Variants in DRC3 observed in about 807,000 individuals in gnomAD.
DRC3 encodes leucine rich repeat containing 48.
DRC3 carries 45 observed loss-of-function variants against 57.6 expected under a neutral mutation model. The ratio of observed to expected loss-of-function variants is 0.78; its 90% confidence interval spans 0.62 to 1.00. The LOEUF (loss-of-function observed/expected upper bound fraction) is 1.00. Among genes scored for constraint, DRC3 ranks in the 50% least tolerant of loss-of-function variants. DRC3 has a pLI of 0.00. For missense variants in DRC3, 655 were observed against 675.2 expected (o/e 0.97, Z 0.33); for synonymous variants, 257 against 272.3 (o/e 0.94, Z 0.55).
chr17:18,007,090 C>G lies in DRC3; in HGVS notation c.1269C>G (p.Thr423=), dbSNP rs770104658. ...HEKLLEISIS[T]LEKIVEGDLD... is the part of the protein sequence containing the mutation. ...AGCTCCTGGAGATCTCTATCAGCAC[C>G]CTGGAGAAGATTGTCGAGGGCGACC... The change falls in exon 12 of 14, where the codon ACC becomes ACG. Residue 423 remains threonine, a synonymous_variant. Coordinates refer to ENST00000399187, the MANE Select transcript of DRC3 (RefSeq NM_031294.4). 1.5e-6 allele frequency: 2 copies of G among 1,357,584 alleles called. No individual in the cohort carries two copies. The highest frequency in any genetic ancestry group is 9.6e-7 in the Non-Finnish European group (1 of 1,039,374). The allele number at this position is 1,357,584 out of a possible 1,614,324, so 84.1% of individuals were successfully genotyped here.
At chr17:17,989,026 C>T (rs1238529514) in intron 5 of DRC3, among the ~76,000 whole-genome samples, 2 of 152,164 alleles carry the variant, frequency 1.3e-5, no homozygotes, top group Non-Finnish European at 2.9e-5. Flanking sequence ...ATGAATGTAA[C>T]GCATTTGGTT....
Position 18,004,365 on chromosome 17 carries a change from T to A in DRC3, c.1002T>A (p.Ser334Arg). ...IAKFEEKHLS[S>R]LSAIREELEL... ...AAAGTGCAGTCTATTGTTTCTAGAG[T>A]TTAAGTGCCATTCGAGAGGAGTTGG... Residue 334 changes from serine to arginine, a missense_variant and splice_region_variant, in exon 10 of 14, where the codon AGT becomes AGA. By Grantham distance (110) the Ser-to-Arg change is moderately radical (BLOSUM62 -1). Transcript: ENST00000399187. 6.2e-7 allele frequency: 1 copy of A among 1,600,968 alleles called. No homozygotes were observed. Among genetic ancestry groups the A allele is most frequent in the Non-Finnish European group, 8.5e-7 (1 of 1,173,098 alleles).
intron 2 of DRC3, among the ~76,000 whole-genome samples, chr17:17,975,807 G>T (rs1397963298): frequency 6.6e-6 from 1 of 152,326 alleles, no homozygotes; most frequent in Admixed American, 6.5e-5. Context: ...GGGGTTGAAG[G>T]GTGTGGAGGC....
chr17:17,999,927 T>C (rs1334393029), intron 9 of DRC3, among the ~76,000 whole-genome samples: 2 of 152,222 alleles, frequency 1.3e-5, no homozygotes, highest in East Asian at 1.9e-4. Context: ...TGTGTGTGTG[T>C]GTGCGTGCGT....
Position 17,997,557 on chromosome 17 carries a change from T to C in DRC3, c.922T>C (p.Cys308Arg), listed in dbSNP as rs773080689. The C allele has an allele frequency of 1.9e-5, 31 of 1,610,692 alleles. No individual in the cohort carries two copies. Among genetic ancestry groups the C allele is most frequent in the Non-Finnish European group, 2.4e-5 (28 of 1,178,564 alleles). Residue 308 changes from cysteine (C) to arginine (R), a missense_variant, in exon 9 of 14, where the codon TGT (cysteine) becomes CGT (arginine). By Grantham distance (180) the Cys-to-Arg change is radical (BLOSUM62 -3). Coordinates refer to ENST00000399187, the MANE Select transcript of DRC3 (RefSeq NM_031294.4). The stretch of plus-strand genomic sequence containing the variant: ...AACAGAGCTTGACACCTTCAGTGAA[T>C]GTGTCCGTGAGGCCATCCAGGAAAA... The part of the protein sequence containing the change: ...RKTELDTFSE[C>R]VREAIQENQE...
Position 18,000,202 on chromosome 17 carries a change from G to A in DRC3, c.999+2568G>A, listed in dbSNP as rs535188698. ...CTGTACTTTGCTTTCCTCTGTGTGTGTGTGTGTGTGCATAGCATGCCGTTC... is the reference window on the plus strand; with the variant it reads ...CTGTACTTTGCTTTCCTCTGTGTGTATGTGTGTGTGCATAGCATGCCGTTC... On this transcript the variant is annotated intron_variant, in intron 9 of 13. Transcript: ENST00000399187. Among the ~76,000 whole-genome samples the A allele has an allele frequency of 1.2e-3, 187 of 151,036 alleles. 1 individual carries two copies. The highest frequency in any genetic ancestry group is 1.9e-3 in the South Asian group (9 of 4,772).
At chr17:17,990,029 G>A (rs907926169) in intron 5 of DRC3, among the ~76,000 whole-genome samples, 1 of 152,220 alleles carries the variant, frequency 6.6e-6, no homozygotes, top group African/African-American at 2.4e-5. Flanking sequence ...TCTGGGCTCT[G>A]CCATCCTCAG....
chr17:17,988,786 G>A (rs1216515114), intron 5 of DRC3, among the ~76,000 whole-genome samples: 3 of 152,208 alleles, frequency 2.0e-5, no homozygotes, highest in Non-Finnish European at 4.4e-5. Flanking sequence ...GGTGGCTTAG[G>A]TGAGTGACCT....
chr17:18,007,184 G>T, intron 12 of DRC3, 37 bp downstream of exon 12: 1 of 1,098,556 alleles, frequency 9.1e-7, no homozygotes, highest in Non-Finnish European at 1.3e-6. Context: ...TGACAGATGT[G>T]GTCCAGCCCA....
chr17:17,995,302 G>T (rs928741071), intron 8 of DRC3, among the ~76,000 whole-genome samples, 191 bp downstream of exon 8: 4 of 152,242 alleles, frequency 2.6e-5, no homozygotes, highest in Non-Finnish European at 5.9e-5. Context: ...GGGAGATGCT[G>T]TCTGGATTTC....
intron 5 of DRC3, among the ~76,000 whole-genome samples, chr17:17,989,315 C>T (rs779664407): frequency 1.3e-5 from 2 of 152,060 alleles, no homozygotes; most frequent in African/African-American, 2.4e-5. Flanking sequence ...AGGATGTGGC[C>T]GGGCCTCGCC....
At chr17:17,999,909 T>C (rs2043620219) in intron 9 of DRC3, among the ~76,000 whole-genome samples, 1 of 151,940 alleles carries the variant, frequency 6.6e-6, no homozygotes, top group African/African-American at 2.4e-5. Context: ...CCTACTCCTG[T>C]ATCTCTGTGT....
intron 9 of DRC3, among the ~76,000 whole-genome samples, chr17:17,998,411 G>T (rs1348433439): frequency 6.6e-6 from 1 of 152,216 alleles, no homozygotes; most frequent in Non-Finnish European, 1.5e-5. Flanking sequence ...GCCTCTTTGA[G>T]TTGGCATTAC....
At position 18,016,170 on chromosome 17, in the gene DRC3, C is replaced by T. The variant is rs1292233119; in HGVS notation, c.1433C>T (p.Ser478Phe). 5 of 1,613,898 alleles carry T rather than the reference C, an allele frequency of 3.1e-6. No individual in the cohort carries two copies. The highest frequency in any genetic ancestry group is 4.2e-6 in the Non-Finnish European group (5 of 1,179,882). The change falls in exon 13 of 14, where the codon TCT (serine) becomes TTT (phenylalanine). Residue 478 changes from serine (S) to phenylalanine (F), a missense_variant. Coordinates refer to ENST00000399187, the MANE Select transcript of DRC3 (RefSeq NM_031294.4). ...GATGAGCTGGTGACCAGAATCAACT[C>T]TTGGTGTACACGTTTAATAGACAGG... is the stretch of plus-strand genomic sequence containing the variant. ...REDELVTRIN[S>F]WCTRLIDRIH... is the part of the protein sequence containing the mutation.
In DRC3 at chr17:17,995,121, T is replaced by C; in HGVS notation, c.824+10T>C. 6.3e-7 allele frequency: 1 copy of C among 1,598,880 alleles called. No individual in the cohort carries two copies. The highest frequency in any genetic ancestry group is 8.6e-7 in the Non-Finnish European group (1 of 1,166,420). On this transcript the variant is annotated intron_variant, in intron 8 of 13. Coordinates refer to ENST00000399187, the MANE Select transcript of DRC3 (RefSeq NM_031294.4). ...GTGAGCTCCTTGAGACATATCCTTC[T>C]GAGTTCATGGCTGTCTCAGAGCCTC...
rs562397024 is a variant in DRC3 at position 17,988,151 on chromosome 17, C to G, written c.444+53C>G. On this transcript the variant is annotated intron_variant, in intron 5 of 13. Coordinates refer to ENST00000399187, the MANE Select transcript of DRC3 (RefSeq NM_031294.4). ...GCACACCTGCAGAGCCTTGGAGCGC[C>G]GTGGGTTGAGTGGGGGTCTGTGGCT... is the stretch of plus-strand genomic sequence containing the variant. 3.2e-6 allele frequency: 5 copies of G among 1,565,842 alleles called. No individual in the cohort carries two copies. In the South Asian group the frequency reaches 5.8e-5, roughly 18 times the overall value.
intron 10 of DRC3, 99 bp downstream of exon 10, chr17:18,004,593 G>A (rs2043877641): frequency 1.7e-5 from 24 of 1,375,952 alleles, no homozygotes; most frequent in South Asian, 6.6e-5. Context: ...TGCTGGAAAC[G>A]TCCAGCACGA....
chr17:17,994,532 C>A, intron 7 of DRC3, 114 bp downstream of exon 7: 1 of 1,398,156 alleles, frequency 7.2e-7, no homozygotes, highest in Non-Finnish European at 9.6e-7. Context: ...AGAAATCATG[C>A]TCCCTCCACA....
chr17:18,007,855 C>T (rs1397827555), intron 12 of DRC3: 5 of 1,007,654 alleles, frequency 5.0e-6, no homozygotes, highest in African/African-American at 3.5e-5. Context: ...TTCTCTCTGT[C>T]GCGACATCAC....
Sources: allele counts gnomAD v4.1 joint callset (sites outside exome capture counted in the v4.1 genomes callset), GRCh38; gene constraint gnomAD v4.1.1; transcripts MANE v1.5; gene names NCBI Gene and HGNC (gene_info 2026-07-23, HGNC 2026-07-21).